Variants in GALNT14 observed in about 807,000 individuals in gnomAD.
The protein encoded by GALNT14 is polypeptide N-acetylgalactosaminyltransferase 14.
GALNT14 carries 60 observed loss-of-function variants against 77.5 expected under a neutral mutation model. The observed-to-expected ratio is 0.77, with a 90% confidence interval of 0.63 to 0.96. GALNT14 has a LOEUF of 0.96. Among genes scored for constraint, GALNT14 ranks in the 40% least tolerant of loss-of-function variants. The pLI, the probability that GALNT14 is intolerant of heterozygous loss-of-function variation, is 0.00. For missense variants in GALNT14, 710 were observed against 731.0 expected (o/e 0.97, Z 0.33); for synonymous variants, 280 against 281.7 (o/e 0.99, Z 0.06).
chr2:30,961,832 C>T (rs1667709007), intron 3 of GALNT14, among the ~76,000 whole-genome samples: 1 of 152,074 alleles, frequency 6.6e-6, no homozygotes, highest in East Asian at 1.9e-4. Context: ...CAGGCGCCTG[C>T]CACCATGCCC....
In GALNT14 at chr2:30,958,397, G is replaced by C. The variant is rs749571846; in HGVS notation, c.466C>G (p.Pro156Ala). 2.5e-6 allele frequency: 4 copies of C among 1,613,086 alleles called. No individual in the cohort carries two copies. Among genetic ancestry groups the C allele is most frequent in the African/African-American group, 2.7e-5 (2 of 74,866 alleles). ...AGAGCAAGTGAGCAACATGACTTAC[G>C]GTCATTGCTGAAGTCATCCACTAAT... The part of the protein sequence containing the change: ...IILVDDFSND[P>A]DDCKQLIKLP... Residue 156 changes from proline to alanine, a missense_variant and splice_region_variant, in exon 4 of 15, where the codon CCT becomes GCT. Coordinates refer to ENST00000349752, the MANE Select transcript of GALNT14 (RefSeq NM_024572.4).
Position 31,137,710 on chromosome 2 carries a change from C to G in GALNT14, c.129+248G>C, listed in dbSNP as rs538026718. ...CGCGCGCAGCTCAAGTTGGGAGCCCCGCTCCGCAGGCGAGCGCGCGCCCAC... is the reference window on the plus strand; with the variant it reads ...CGCGCGCAGCTCAAGTTGGGAGCCCGGCTCCGCAGGCGAGCGCGCGCCCAC... On this transcript the variant is annotated intron_variant, in intron 1 of 14. Transcript: ENST00000349752. Among the ~76,000 whole-genome samples, 17 of 152,284 alleles carry G rather than the reference C, an allele frequency of 1.1e-4. No individual in the cohort carries two copies. In the East Asian group the frequency reaches 2.9e-3, roughly 26 times the overall value.
At chr2:31,068,558 A>G (rs1357672287) in intron 1 of GALNT14, among the ~76,000 whole-genome samples, 1 of 151,982 alleles carries the variant, frequency 6.6e-6, no homozygotes, top group Non-Finnish European at 1.5e-5. Flanking sequence ...ACTAATAGCA[A>G]ATGCATTTTG....
chr2:31,064,445 T>G (rs936484574), intron 1 of GALNT14, among the ~76,000 whole-genome samples: 5 of 152,202 alleles, frequency 3.3e-5, no homozygotes, highest in Non-Finnish European at 5.9e-5. Context: ...TCCCAAACCC[T>G]GTCCCCGAAA....
chr2:30,911,134 T>G (rs763620164), intron 14 of GALNT14, 75 bp from the exon 15 acceptor site: 5 of 1,430,830 alleles, frequency 3.5e-6, no homozygotes, highest in Non-Finnish European at 4.9e-6. Context: ...ATCAGAAAGG[T>G]AGGTGCCTCA....
intron 1 of GALNT14, among the ~76,000 whole-genome samples, chr2:31,018,818 T>C (rs899920369): frequency 2.6e-5 from 4 of 152,168 alleles, no homozygotes; most frequent in Non-Finnish European, 5.9e-5. Flanking sequence ...ACGGCCCTCA[T>C]GACCTTTCAT....
chr2:30,985,240 G>C (rs1200191186), intron 2 of GALNT14, among the ~76,000 whole-genome samples: 2 of 152,206 alleles, frequency 1.3e-5, no homozygotes, highest in Non-Finnish European at 1.5e-5. Context: ...AAATAAATTA[G>C]CTAAGGCAGT....
At position 30,992,924 on chromosome 2, in the gene GALNT14, G is replaced by C; in HGVS notation, c.213C>G (p.Asp71Glu). 1 of 1,614,142 alleles carries C rather than the reference G, an allele frequency of 6.2e-7. No individual in the cohort carries two copies. The highest frequency in any genetic ancestry group is 1.1e-5 in the South Asian group (1 of 91,072). Reference sequence around the variant, plus strand: ...TGAAAGCATACAGCTTATAGGGGTCGTCACCAACGCGCCACTTTTTGGCAT... The same window carrying C: ...TGAAAGCATACAGCTTATAGGGGTCCTCACCAACGCGCCACTTTTTGGCAT... ...YLNAKKWRVG[D>E]DPYKLYAFNQ... The change falls in exon 2 of 15, where the codon GAC becomes GAG. Residue 71 changes from aspartate (D) to glutamate (E), a missense_variant. Asp to Glu is a conservative substitution (Grantham distance 45). Coordinates refer to ENST00000349752, the MANE Select transcript of GALNT14 (RefSeq NM_024572.4).
chr2:30,925,567 A>G (rs1363505451), intron 11 of GALNT14, among the ~76,000 whole-genome samples: 1 of 152,208 alleles, frequency 6.6e-6, no homozygotes, highest in Non-Finnish European at 1.5e-5. Flanking sequence ...CAGTGGGGAG[A>G]GCAAGATGAG....
At chr2:31,021,305 T>C (rs909447919) in intron 1 of GALNT14, among the ~76,000 whole-genome samples, 4 of 152,120 alleles carry the variant, frequency 2.6e-5, no homozygotes, top group Non-Finnish European at 5.9e-5. Flanking sequence ...TTTTCTTTTT[T>C]TTATTTTTAT....
chr2:31,065,922 T>G (rs897189488), intron 1 of GALNT14, among the ~76,000 whole-genome samples: 8 of 151,994 alleles, frequency 5.3e-5, no homozygotes, highest in Non-Finnish European at 1.2e-4. Flanking sequence ...ACTTAACCCA[T>G]GGGAAGACAG....
intron 1 of GALNT14, among the ~76,000 whole-genome samples, chr2:31,045,518 A>G (rs1433926790): frequency 1.3e-5 from 2 of 152,172 alleles, no homozygotes; most frequent in African/African-American, 4.8e-5. Context: ...GCTGGAGTTC[A>G]GTGGCGCAAC....
downstream of GALNT14, among the ~76,000 whole-genome samples, chr2:30,906,200 C>A (rs1664138494): frequency 6.6e-6 from 1 of 150,450 alleles, no homozygotes; most frequent in Admixed American, 6.6e-5. Flanking sequence ...GGATCAAATT[C>A]ACACATAACA....
chr2:30,908,189 T>C (rs1490567054), downstream of GALNT14, among the ~76,000 whole-genome samples: 2 of 149,042 alleles, frequency 1.3e-5, no homozygotes, highest in Non-Finnish European at 3.0e-5. Flanking sequence ...CTATTCAACA[T>C]AGTGTTGGAA....
chr2:30,889,176 G>A, the GALNT14 span, among the ~76,000 whole-genome samples: 10 of 152,092 alleles, frequency 6.6e-5, no homozygotes, highest in Non-Finnish European at 1.3e-4. Flanking sequence ...TGTGCAGCAC[G>A]ACCAAAATAA....
In GALNT14 at chr2:30,972,709, C is replaced by T. The variant is rs535613938; in HGVS notation, c.300-6407G>A. On this transcript the variant is annotated intron_variant, in intron 2 of 14. Transcript: ENST00000349752. ...CTCAGGTCTATTCTGTGGCCTTGTACACTGTGTATACTCACATGCCCACTC... is the reference window on the plus strand; with the variant it reads ...CTCAGGTCTATTCTGTGGCCTTGTATACTGTGTATACTCACATGCCCACTC... 2.6e-5 allele frequency among the ~76,000 whole-genome samples: 4 copies of T among 152,322 alleles called. No homozygotes were observed. In the South Asian group the frequency reaches 8.3e-4, roughly 32 times the overall value.
chr2:30,929,120 A>T (rs950346506), intron 11 of GALNT14, among the ~76,000 whole-genome samples: 9 of 152,276 alleles, frequency 5.9e-5, no homozygotes, highest in Middle Eastern at 3.4e-3. Flanking sequence ...GTCTGCAAAA[A>T]GCAGGAAATA....
intron 1 of GALNT14, among the ~76,000 whole-genome samples, chr2:31,096,151 A>C (rs534989495): frequency 6.6e-6 from 1 of 152,004 alleles, no homozygotes; most frequent in South Asian, 2.1e-4. Context: ...TCCTCCTTCC[A>C]CTTTTAAGGA....
At chr2:31,059,419 A>T (rs964547929) in intron 1 of GALNT14, among the ~76,000 whole-genome samples, 1 of 152,202 alleles carries the variant, frequency 6.6e-6, no homozygotes, top group Admixed American at 6.5e-5. Context: ...GAACACTATG[A>T]TCTGAACATC....
Sources: allele counts gnomAD v4.1 joint callset (sites outside exome capture counted in the v4.1 genomes callset), GRCh38; gene constraint gnomAD v4.1.1; transcripts MANE v1.5; gene names NCBI Gene and HGNC (gene_info 2026-07-23, HGNC 2026-07-21).